Variants in PDE3B observed in about 807,000 individuals in gnomAD.
The protein encoded by PDE3B is cGMP-inhibited 3',5'-cyclic phosphodiesterase 3B.
A neutral mutation model predicts 116.8 loss-of-function variants in PDE3B; 66 were observed. The ratio of observed to expected loss-of-function variants is 0.56; its 90% CI spans 0.46 to 0.69. The LOEUF is 0.69. Among genes scored for constraint, PDE3B ranks in the 30% least tolerant of loss-of-function variants. The probability of loss-of-function intolerance (pLI) is 0.00; values close to 1 mark genes in which losing one functional copy is unlikely to be tolerated. For missense variants in PDE3B, 1,384 were observed against 1,368.1 expected, an observed-to-expected ratio of 1.01 and a Z score of -0.18; for synonymous variants, 595 against 533.6, an observed-to-expected ratio of 1.12 and a Z score of -1.59.
chr11:14,855,308 G>A (rs1344134385), intron 12 of PDE3B, among the ~76,000 whole-genome samples: 1 of 151,194 alleles, frequency 6.6e-6, no homozygotes, highest in African/African-American at 2.4e-5. Context: ...ACCACACATA[G>A]CACATCATGG....
chr11:14,861,032 C>T (rs1555007060), intron 13 of PDE3B, among the ~76,000 whole-genome samples, 173 bp from the exon 14 acceptor site: 2 of 151,824 alleles, frequency 1.3e-5, no homozygotes, highest in Non-Finnish European at 2.9e-5. Flanking sequence ...GGAAATTTAA[C>T]CAATAGAGGT....
intron 2 of PDE3B, chr11:14,774,859 CTGTCTT>C (rs942631065): frequency 2.0e-5 from 3 of 152,194 alleles, no homozygotes; most frequent in Non-Finnish European, 4.4e-5. Flanking sequence ...TTGTACTTCT[CTGTCTT>C]TGTCTTCTAC....
At chr11:14,687,451 A>T (rs1854909321) in intron 1 of PDE3B, among the ~76,000 whole-genome samples, 1 of 152,214 alleles carries the variant, frequency 6.6e-6, no homozygotes, top group South Asian at 2.1e-4. Context: ...GCCAGTGGGA[A>T]ATATGAAGCA....
At chr11:14,836,693 CA>C (rs1284913075) in intron 11 of PDE3B, among the ~76,000 whole-genome samples, 1 of 152,230 alleles carries the variant, frequency 6.6e-6, no homozygotes, top group African/African-American at 2.4e-5. Context: ...AAAAAGGCTT[CA>C]CTGGAGTAAA....
chr11:14,736,252 G>T (rs896917791), intron 1 of PDE3B, among the ~76,000 whole-genome samples: 1 of 152,116 alleles, frequency 6.6e-6, no homozygotes, highest in Non-Finnish European at 1.5e-5. Context: ...GCACAGTTAA[G>T]AGCCAAAAAG....
intron 2 of PDE3B, among the ~76,000 whole-genome samples, chr11:14,782,369 C>G (rs902783454): frequency 6.6e-6 from 1 of 151,652 alleles, no homozygotes; most frequent in Non-Finnish European, 1.5e-5. Flanking sequence ...ATACTGCAAG[C>G]CTACAGTAAC....
At chr11:14,819,306 C>A in intron 7 of PDE3B, 97 bp downstream of exon 7, 2 of 711,988 alleles carry the variant, frequency 2.8e-6, no homozygotes, top group Non-Finnish European at 5.0e-6. Flanking sequence ...TCAGTTTATC[C>A]ATCTTTAAAA....
downstream of PDE3B, among the ~76,000 whole-genome samples, chr11:14,874,819 A>T (rs1427344571): frequency 6.6e-6 from 1 of 152,116 alleles, no homozygotes; most frequent in Non-Finnish European, 1.5e-5. Flanking sequence ...TTATGCCACC[A>T]TTGTCTTAGT....
At chr11:14,867,861 G>A in intron 15 of PDE3B, 103 bp downstream of exon 15, 1 of 911,520 alleles carries the variant, frequency 1.1e-6, no homozygotes, top group Non-Finnish European at 1.6e-6. Flanking sequence ...AATTTTTTGA[G>A]TGCCAGCATG....
At chr11:14,838,399 T>C (rs1277093308) in intron 11 of PDE3B, among the ~76,000 whole-genome samples, 1 of 152,180 alleles carries the variant, frequency 6.6e-6, no homozygotes, top group African/African-American at 2.4e-5. Context: ...AGACTTCTTA[T>C]GTTAGAATTA....
At chr11:14,881,155 A>T in the PDE3B span, among the ~76,000 whole-genome samples, 5 of 152,120 alleles carry the variant, frequency 3.3e-5, no homozygotes, top group Admixed American at 3.3e-4. Context: ...ACACCTAAAA[A>T]ATCATCCTTC....
chr11:14,721,526 A>G (rs1020212569), intron 1 of PDE3B, among the ~76,000 whole-genome samples: 6 of 151,800 alleles, frequency 4.0e-5, no homozygotes, highest in African/African-American at 1.5e-4. Flanking sequence ...AACCGACCCA[A>G]ATGTCCAACA....
chr11:14,665,303 C>T (rs1462930651), intron 1 of PDE3B, among the ~76,000 whole-genome samples: 3 of 152,156 alleles, frequency 2.0e-5, no homozygotes, highest in Non-Finnish European at 4.4e-5. Context: ...AGACCCACAG[C>T]CAATATCATA....
intron 1 of PDE3B, among the ~76,000 whole-genome samples, chr11:14,683,701 T>A (rs1277581158): frequency 6.6e-6 from 1 of 152,088 alleles, no homozygotes; most frequent in East Asian, 1.9e-4. Context: ...TTCTTTTTTT[T>A]CTGCTTGCTT....
rs573123057 is a variant in PDE3B, at chr11:14,869,423, T to C, written c.3140-38T>C. 2.6e-6 allele frequency: 4 copies of C among 1,515,880 alleles called. No homozygotes were observed. In the African/African-American group the frequency reaches 5.6e-5, roughly 21 times the overall value. The allele number at this position is 1,515,880 out of a possible 1,614,324, so 93.9% of individuals were successfully genotyped here. ...ATATTTGTTGAATGATTAAATCATA[T>C]TGCTATGATTAGAATATATTTATTT... On this transcript the variant is annotated intron_variant, in intron 15 of 15. Coordinates refer to ENST00000282096, the MANE Select transcript of PDE3B (RefSeq NM_000922.4).
intron 4 of PDE3B, among the ~76,000 whole-genome samples, chr11:14,801,356 T>C (rs1011667271): frequency 6.6e-6 from 1 of 152,236 alleles, no homozygotes; most frequent in Non-Finnish European, 1.5e-5. Context: ...GCTATTCCTT[T>C]CTGTTGTTAG....
At chr11:14,715,970 G>T (rs943485802) in intron 1 of PDE3B, among the ~76,000 whole-genome samples, 1 of 152,186 alleles carries the variant, frequency 6.6e-6, no homozygotes, top group Admixed American at 6.5e-5. Flanking sequence ...CGTGAGCGAC[G>T]CAGAAGACAG....
intron 1 of PDE3B, among the ~76,000 whole-genome samples, chr11:14,743,748 C>T (rs899579421): frequency 6.6e-6 from 1 of 152,194 alleles, no homozygotes; most frequent in Non-Finnish European, 1.5e-5. Flanking sequence ...GAAATGCGTA[C>T]TATCTGGGCC....
chr11:14,817,292 G>T (rs931169369), intron 5 of PDE3B, among the ~76,000 whole-genome samples: 1 of 152,016 alleles, frequency 6.6e-6, no homozygotes, highest in Non-Finnish European at 1.5e-5. Flanking sequence ...ATAGTGGGGT[G>T]GGGGGACGGG....
Sources: allele counts gnomAD v4.1 joint callset (sites outside exome capture counted in the v4.1 genomes callset), GRCh38; gene constraint gnomAD v4.1.1; transcripts MANE v1.5; gene names NCBI Gene and HGNC (gene_info 2026-07-23, HGNC 2026-07-21).